MTA3: variants seen among roughly 807,000 people sequenced by gnomAD.
MTA3 encodes metastasis associated 1 family member 3, also known as metastasis-associated protein MTA3.
Under a neutral mutation model 83.5 loss-of-function variants are expected in MTA3, and 34 were observed. That is an observed-to-expected ratio of 0.41 (90% CI 0.31 to 0.54). The LOEUF (loss-of-function observed/expected upper bound fraction) is 0.54. MTA3 is among the 20% of genes least tolerant of loss of function. The pLI, the probability that MTA3 is intolerant of heterozygous loss-of-function variation, is 0.33. For missense variants in MTA3, 761 were observed against 726.4 expected, an observed-to-expected ratio of 1.05 and a Z score of -0.55; for synonymous variants, 303 against 252.7, an observed-to-expected ratio of 1.20 and a Z score of -1.89.
At chr2:42,656,495 G>A (rs527743914) in intron 7 of MTA3, among the ~76,000 whole-genome samples, 193 bp downstream of exon 7, 5 of 152,148 alleles carry the variant, frequency 3.3e-5, no homozygotes, top group African/African-American at 9.6e-5. Context: ...GAAAATAGTT[G>A]TATTAATTTT....
intron 2 of MTA3, among the ~76,000 whole-genome samples, chr2:42,514,340 A>G (rs1251014710): frequency 1.3e-5 from 2 of 152,116 alleles, no homozygotes; most frequent in South Asian, 2.1e-4. Flanking sequence ...AAAAATACAT[A>G]TGCTTTTAAA....
intron 6 of MTA3, among the ~76,000 whole-genome samples, chr2:42,649,905 A>T (rs1325202354): frequency 1.3e-5 from 2 of 152,252 alleles, no homozygotes; most frequent in Admixed American, 6.5e-5. Context: ...ATAAAAGATC[A>T]GCGGACCTTT....
At chr2:42,737,321 T>C (rs114721017) in intron 16 of MTA3, among the ~76,000 whole-genome samples, 4,213 of 152,242 alleles carry the variant, frequency 0.028, 210 homozygotes, top group African/African-American at 0.097. Flanking sequence ...GGATGAGCTA[T>C]TCCCCTCTGG....
chr2:42,639,182 C>A (rs947360706), intron 4 of MTA3, among the ~76,000 whole-genome samples: 2 of 151,510 alleles, frequency 1.3e-5, no homozygotes, highest in African/African-American at 4.9e-5. Context: ...TGCCTCAGCC[C>A]CCTGAGTAGC....
intron 2 of MTA3, among the ~76,000 whole-genome samples, chr2:42,516,814 G>T (rs1675165738): frequency 6.6e-6 from 1 of 152,164 alleles, no homozygotes; most frequent in African/African-American, 2.4e-5. Context: ...CTTAGGTCAG[G>T]AAATAATGAA....
intron 14 of MTA3, among the ~76,000 whole-genome samples, chr2:42,716,627 C>A (rs1340435428): frequency 6.6e-6 from 1 of 152,194 alleles, no homozygotes; most frequent in African/African-American, 2.4e-5. Flanking sequence ...TAGTGGCCTC[C>A]AGCTCCATCC....
intron 2 of MTA3, among the ~76,000 whole-genome samples, chr2:42,576,518 TG>T (rs1679043791): frequency 6.6e-6 from 1 of 152,172 alleles, no homozygotes; most frequent in African/African-American, 2.4e-5. Context: ...TAGTCCCAGC[TG>T]CTCGAGAGGC....
intron 3 of MTA3, among the ~76,000 whole-genome samples, chr2:42,589,646 A>G (rs1036675863): frequency 3.9e-5 from 6 of 152,198 alleles, no homozygotes; most frequent in Non-Finnish European, 7.4e-5. Context: ...TCTGCCTTCC[A>G]GGTTCAAGCG....
At chr2:42,552,242 A>T (rs6752377) in intron 2 of MTA3, among the ~76,000 whole-genome samples, 2 of 151,964 alleles carry the variant, frequency 1.3e-5, no homozygotes, top group Non-Finnish European at 2.9e-5. Flanking sequence ...AGTGTGGCTG[A>T]GCAGCAGTGA....
chr2:42,559,003 C>T (rs1323218446), intron 2 of MTA3, among the ~76,000 whole-genome samples: 6 of 152,120 alleles, frequency 3.9e-5, no homozygotes, highest in Non-Finnish European at 7.4e-5. Flanking sequence ...TGCCCCAGGG[C>T]TCAGGCCTCT....
At chr2:42,521,737 CT>C (rs1675437312) in intron 2 of MTA3, among the ~76,000 whole-genome samples, 1 of 147,634 alleles carries the variant, frequency 6.8e-6, no homozygotes, top group Non-Finnish European at 1.5e-5. Flanking sequence ...ATAACTGCCC[CT>C]GAATCTTTCT....
At chr2:42,645,894 A>T (rs547973466) in intron 6 of MTA3, among the ~76,000 whole-genome samples, 1 of 152,244 alleles carries the variant, frequency 6.6e-6, no homozygotes, top group Non-Finnish European at 1.5e-5. Flanking sequence ...CAGAGTTTCA[A>T]TGTAGATAAA....
intron 5 of MTA3, among the ~76,000 whole-genome samples, chr2:42,641,237 T>C (rs1292627871): frequency 6.7e-6 from 1 of 150,374 alleles, no homozygotes; most frequent in African/African-American, 2.5e-5. Flanking sequence ...TTAAATCTTA[T>C]ACTCAAGTGT....
chr2:42,577,091 TA>T (rs1173783991), intron 2 of MTA3, among the ~76,000 whole-genome samples: 502 of 19,218 alleles, frequency 0.026, 12 homozygotes, highest in South Asian at 0.12. Context: ...GTACTCCATC[TA>T]AAAAAAAAAA....
rs760120304 is a variant in MTA3, at chr2:42,612,423, C to T, written c.317+2839C>T. The stretch of plus-strand genomic sequence containing the variant: ...TAGAGATGGTGTCTTGCCATGGTGG[C>T]CAGACTGGTCTTGAACTCTTGACCT... On this transcript the variant is annotated intron_variant, in intron 4 of 16. Coordinates refer to ENST00000405094, the MANE Select transcript of MTA3 (RefSeq NM_001330442.2). 2.6e-5 allele frequency among the ~76,000 whole-genome samples: 4 copies of T among 152,224 alleles called. No homozygotes were observed. In the East Asian group the frequency reaches 7.7e-4, roughly 29 times the overall value.
At chr2:42,646,290 C>T (rs1488067030) in intron 6 of MTA3, among the ~76,000 whole-genome samples, 2 of 152,202 alleles carry the variant, frequency 1.3e-5, no homozygotes, top group African/African-American at 2.4e-5. Context: ...TGCATGACTG[C>T]TGAGACAACA....
chr2:42,636,091 T>C (rs773005708), intron 4 of MTA3, among the ~76,000 whole-genome samples: 1 of 152,134 alleles, frequency 6.6e-6, no homozygotes, highest in Non-Finnish European at 1.5e-5. Context: ...TTAAGTTTAG[T>C]GAACTTAAAA....
At chr2:42,689,490 G>A (rs1005614678) in intron 9 of MTA3, among the ~76,000 whole-genome samples, 7 of 152,088 alleles carry the variant, frequency 4.6e-5, no homozygotes, top group Non-Finnish European at 7.4e-5. Flanking sequence ...TACATGTTTG[G>A]TTGAGTTCAC....
intron 2 of MTA3, among the ~76,000 whole-genome samples, chr2:42,517,642 G>A (rs1675208647): frequency 6.6e-6 from 1 of 151,436 alleles, no homozygotes; most frequent in South Asian, 2.1e-4. Flanking sequence ...GCTTTGGGAG[G>A]CGAAGGAAGG....
Sources: gnomAD v4.1 joint callset for allele counts (sites outside exome capture counted in the v4.1 genomes callset) on GRCh38, gnomAD v4.1.1 for gene constraint, MANE v1.5 for transcripts, NCBI Gene and HGNC (gene_info 2026-07-23, HGNC 2026-07-21) for gene names.